ECT2: variants seen among roughly 807,000 people sequenced by gnomAD.
ECT2 encodes the protein protein ECT2.
Under a neutral mutation model 116.9 loss-of-function variants are expected in ECT2, and 61 were observed. That is an observed-to-expected ratio of 0.52 (90% CI 0.42 to 0.65). ECT2 has a LOEUF of 0.65. Ranked by LOEUF, ECT2 falls within the 30% of genes least tolerant of loss-of-function variation. The pLI is 0.00. For synonymous variants in ECT2, 358 were observed against 346.4 expected (o/e 1.03, Z -0.37); for missense variants, 937 against 1,078.7 (o/e 0.87, Z 1.84).
At chr3:172,766,950 T>TA (rs1719518364) in intron 12 of ECT2, among the ~76,000 whole-genome samples, 1 of 152,220 alleles carries the variant, frequency 6.6e-6, no homozygotes, top group Non-Finnish European at 1.5e-5. Flanking sequence ...ACTATACTGA[T>TA]ATTTTAGGTG....
chr3:172,758,100 T>A (rs1717430738), intron 5 of ECT2, among the ~76,000 whole-genome samples: 1 of 152,142 alleles, frequency 6.6e-6, no homozygotes. Flanking sequence ...CCTCACGTTA[T>A]CTTCCTGCCT....
intron 24 of ECT2, chr3:172,818,515 C>G (rs1386719464): frequency 8.3e-7 from 1 of 1,201,924 alleles, no homozygotes; most frequent in Non-Finnish European, 1.1e-6. Flanking sequence ...ACATTAATGT[C>G]ATCTTCTCAA....
Position 172,755,383 on chromosome 3 carries a change from T to C in ECT2, c.210+9T>C, listed in dbSNP as rs749603555. 1.9e-6 allele frequency: 3 copies of C among 1,587,096 alleles called. No individual in the cohort carries two copies. In the East Asian group the frequency reaches 6.7e-5, roughly 36 times the overall value. On this transcript the variant is annotated intron_variant, in intron 3 of 24. Transcript: ENST00000392692. The stretch of plus-strand genomic sequence containing the variant: ...TTATAAAAGCCTTAAAGGTACGGAG[T>C]TTTAGGTTTTAGTTTTTTTTGTAAT...
chr3:172,793,631 T>C (rs891798605), intron 18 of ECT2, among the ~76,000 whole-genome samples: 1 of 151,918 alleles, frequency 6.6e-6, no homozygotes, highest in Non-Finnish European at 1.5e-5. Flanking sequence ...GCCCAGCTAA[T>C]TTTAGTATTT....
chr3:172,756,153 C>T (rs1456019561), intron 4 of ECT2, among the ~76,000 whole-genome samples: 1 of 152,094 alleles, frequency 6.6e-6, no homozygotes, highest in African/African-American at 2.4e-5. Flanking sequence ...TCCTTATCGC[C>T]AAATATAGTC....
intron 20 of ECT2, among the ~76,000 whole-genome samples, chr3:172,805,489 A>G (rs1340361618): frequency 1.3e-5 from 2 of 152,116 alleles, no homozygotes; most frequent in African/African-American, 4.8e-5. Flanking sequence ...ACCTTTTGCA[A>G]AATATCCCTT....
At chr3:172,815,781 G>A in intron 23 of ECT2, 70 bp downstream of exon 23, 1 of 957,682 alleles carries the variant, frequency 1.0e-6, no homozygotes, top group Non-Finnish European at 1.6e-6. Context: ...AAATAATATT[G>A]CTGCAAACAC....
At chr3:172,756,290 T>TA (rs201546235) in intron 4 of ECT2, among the ~76,000 whole-genome samples, 6 of 152,066 alleles carry the variant, frequency 3.9e-5, no homozygotes, top group African/African-American at 7.2e-5. Flanking sequence ...CATTTTGAGT[T>TA]AAAAAAAAAT....
At chr3:172,807,722 T>C (rs1728037340) in intron 21 of ECT2, 48 bp from the exon 22 acceptor site, 1 of 1,554,470 alleles carries the variant, frequency 6.4e-7, no homozygotes, top group Admixed American at 1.9e-5. Context: ...ACATCTGTCA[T>C]TTTCCAAGGA....
At chr3:172,776,589 A>G (rs187767297) in intron 14 of ECT2, among the ~76,000 whole-genome samples, 1 of 152,298 alleles carries the variant, frequency 6.6e-6, no homozygotes, top group Admixed American at 6.5e-5. Flanking sequence ...CACACAGAGA[A>G]TAACTTTACA....
chr3:172,797,606 A>C (rs910928671), intron 18 of ECT2, among the ~76,000 whole-genome samples: 1 of 152,090 alleles, frequency 6.6e-6, no homozygotes, highest in Non-Finnish European at 1.5e-5. Flanking sequence ...TCCTTTGTCT[A>C]ATTGAATTCA....
In ECT2 at chr3:172,784,577, C is replaced by T. The variant is rs749059140; in HGVS notation, c.1729-130C>T. ...AATTATTCAGCCAAGTAATCAGCCA[C>T]GGAGAAATTCCACTTCTTCTCTATT... On this transcript the variant is annotated intron_variant, in intron 16 of 24. Coordinates refer to ENST00000392692, the MANE Select transcript of ECT2 (RefSeq NM_001258315.2). The T allele has an allele frequency of 3.7e-4, 239 of 649,878 alleles. 1 individual carries two copies. The highest frequency in any genetic ancestry group is 1.2e-3 in the Admixed American group (49 of 39,874). 40.3% of individuals were successfully genotyped at this position (649,878 alleles called of 1,614,324 possible).
chr3:172,807,870 C>T lies in ECT2; in HGVS notation c.2346C>T (p.Asn782=), dbSNP rs1371437028. ...QMTSDELPKE[N]WLKMLCRHVA... ...CATCAGATGAACTTCCAAAAGAAAA[C>T]TGGCTAAAGATGCTGTGTCGACATG... The change falls in exon 22 of 25, where the codon AAC becomes AAT. Residue 782 remains asparagine, a synonymous_variant. Coordinates refer to ENST00000392692, the MANE Select transcript of ECT2 (RefSeq NM_001258315.2). 1 of 1,613,920 alleles carries T rather than the reference C, an allele frequency of 6.2e-7. No individual in the cohort carries two copies. Among genetic ancestry groups the T allele is most frequent in the Admixed American group, 1.7e-5 (1 of 60,012 alleles).
At chr3:172,798,280 T>G (rs955448014) in intron 18 of ECT2, among the ~76,000 whole-genome samples, 5 of 152,186 alleles carry the variant, frequency 3.3e-5, no homozygotes, top group Middle Eastern at 3.2e-3. Flanking sequence ...TTAATAGAGA[T>G]AACTAAATTT....
chr3:172,816,614 G>T, intron 23 of ECT2, 77 bp from the exon 24 acceptor site: 1 of 1,302,940 alleles, frequency 7.7e-7, no homozygotes, highest in Non-Finnish European at 1.0e-6. Flanking sequence ...CCATATATTT[G>T]GCTTTTTTAT....
chr3:172,818,355 C>T (rs1332458434), intron 24 of ECT2: 1 of 216,144 alleles, frequency 4.6e-6, no homozygotes. Context: ...ATAGCTTTCT[C>T]GAAGCCACCT....
intron 22 of ECT2, among the ~76,000 whole-genome samples, chr3:172,812,025 C>T (rs1264626331): frequency 2.0e-5 from 3 of 147,414 alleles, no homozygotes; most frequent in Non-Finnish European, 4.5e-5. Context: ...GCTTCTGTTA[C>T]GCAGGCTGGA....
At position 172,782,147 on chromosome 3, in the gene ECT2, A is replaced by G. The variant is rs775280515; in HGVS notation, c.1549-16A>G. The G allele has an allele frequency of 8.0e-6, 12 of 1,496,404 alleles. No homozygotes were observed. The highest frequency in any genetic ancestry group is 4.2e-5 in the African/African-American group (3 of 71,344). The allele number at this position is 1,496,404 out of a possible 1,614,324, so 92.7% of individuals were successfully genotyped here. On this transcript the variant is annotated splice_polypyrimidine_tract_variant and intron_variant, in intron 14 of 24. Transcript: ENST00000392692. ...GTCAGGTTTAATTTTAAATATTTCA[A>G]TTCGTGCTATTTCAGGATGATCTTG...
In ECT2 at chr3:172,754,605, A is replaced by G; in HGVS notation, c.75A>G (p.Lys25=). 6.2e-7 allele frequency: 1 copy of G among 1,611,982 alleles called. No individual in the cohort carries two copies. ...SLADSSIFDS[K]VTEISKENLL... ...CAGACTCTTCCATTTTTGATTCTAA[A>G]GTTACTGAGATTTCCAAGGAAAACT... Residue 25 remains lysine, a synonymous_variant, in exon 2 of 25, where the codon AAA becomes AAG. Transcript: ENST00000392692.
Sources: gnomAD v4.1 joint callset for allele counts (sites outside exome capture counted in the v4.1 genomes callset) on GRCh38, gnomAD v4.1.1 for gene constraint, MANE v1.5 for transcripts, NCBI Gene and HGNC (gene_info 2026-07-23, HGNC 2026-07-21) for gene names.